The following XKR6 variants were observed in gnomAD, a reference collection of about 807,000 sequenced individuals.
XKR6 encodes XK related 6, also known as XK-related protein 6.
XKR6 carries 22 observed loss-of-function variants against 56.7 expected under a neutral mutation model. That is an observed-to-expected ratio of 0.39 (90% CI 0.28 to 0.55). XKR6 has a LOEUF of 0.55. Ranked by LOEUF, XKR6 falls within the 20% of genes least tolerant of loss-of-function variation. The pLI is 0.66. For missense variants in XKR6, 852 were observed against 889.0 expected, an observed-to-expected ratio of 0.96 and a Z score of 0.53; for synonymous variants, 524 against 387.8, an observed-to-expected ratio of 1.35 and a Z score of -4.13.
At chr8:10,903,827 G>A (rs371177377) in intron 2 of XKR6, among the ~76,000 whole-genome samples, 10 of 152,244 alleles carry the variant, frequency 6.6e-5, no homozygotes, top group Middle Eastern at 3.4e-3. Context: ...TACACCGTGC[G>A]GACAGAACTG....
At chr8:10,921,105 C>A (rs917781518) in intron 2 of XKR6, among the ~76,000 whole-genome samples, 3 of 152,270 alleles carry the variant, frequency 2.0e-5, no homozygotes, top group African/African-American at 4.8e-5. Context: ...CTTGCACAGA[C>A]CCTGGCCCCA....
chr8:11,003,001 A>G (rs927086339), intron 1 of XKR6, among the ~76,000 whole-genome samples: 1 of 146,576 alleles, frequency 6.8e-6, no homozygotes, highest in Non-Finnish European at 1.5e-5. Context: ...GGGACCACTG[A>G]AAAAAAAAAA....
At chr8:10,959,019 C>A (rs1801980024) in intron 1 of XKR6, among the ~76,000 whole-genome samples, 1 of 152,180 alleles carries the variant, frequency 6.6e-6, no homozygotes. Context: ...CCGGGGGAAA[C>A]CCTGCAGGGC....
intron 1 of XKR6, among the ~76,000 whole-genome samples, chr8:11,015,492 CG>C (rs927126737): frequency 6.6e-6 from 1 of 152,108 alleles, no homozygotes; most frequent in Admixed American, 6.5e-5. Flanking sequence ...ACCCCCACCT[CG>C]GGGAGGGACT....
At chr8:10,912,600 A>G (rs1039145748) in intron 2 of XKR6, among the ~76,000 whole-genome samples, 1 of 144,850 alleles carries the variant, frequency 6.9e-6, no homozygotes, top group Non-Finnish European at 1.5e-5. Context: ...ATATGTAGAG[A>G]GAGAGAAAGA....
At chr8:11,088,266 G>A (rs1049984522) in intron 1 of XKR6, among the ~76,000 whole-genome samples, 1 of 152,156 alleles carries the variant, frequency 6.6e-6, no homozygotes, top group African/African-American at 2.4e-5. Context: ...CCAAAAAAAG[G>A]ATTTCACAGA....
chr8:11,036,707 C>T (rs564915794), intron 1 of XKR6, among the ~76,000 whole-genome samples: 10 of 152,354 alleles, frequency 6.6e-5, no homozygotes, highest in South Asian at 4.1e-4. Context: ...GGCACATTTT[C>T]ATTATGTTGA....
At chr8:11,110,534 G>A (rs1028932735) in intron 1 of XKR6, among the ~76,000 whole-genome samples, 15 of 152,190 alleles carry the variant, frequency 9.9e-5, no homozygotes, top group South Asian at 6.2e-4. Context: ...CTATAGTTCC[G>A]TGCATTCTCT....
intron 1 of XKR6, among the ~76,000 whole-genome samples, chr8:10,930,756 G>T (rs1801029771): frequency 6.6e-6 from 1 of 152,142 alleles, no homozygotes; most frequent in Non-Finnish European, 1.5e-5. Context: ...CAGCAAACTA[G>T]AAATAGAAGG....
chr8:11,130,759 G>T (rs1178182298), intron 1 of XKR6, among the ~76,000 whole-genome samples: 1 of 152,018 alleles, frequency 6.6e-6, no homozygotes, highest in African/African-American at 2.4e-5. Flanking sequence ...AAGTACGACA[G>T]ATGCCACACA....
At chr8:11,196,295 C>T (rs1049325718) in intron 1 of XKR6, among the ~76,000 whole-genome samples, 2 of 152,100 alleles carry the variant, frequency 1.3e-5, no homozygotes, top group East Asian at 1.9e-4. Context: ...ACCTTTCACA[C>T]GCAACATAAA....
chr8:10,915,239 C>G (rs1800526243), intron 2 of XKR6, among the ~76,000 whole-genome samples: 2 of 152,256 alleles, frequency 1.3e-5, no homozygotes, highest in South Asian at 4.1e-4. Flanking sequence ...TCCCCAGCTC[C>G]TGGAACCGTG....
chr8:11,119,075 T>A (rs1563150214), intron 1 of XKR6, among the ~76,000 whole-genome samples: 1 of 152,110 alleles, frequency 6.6e-6, no homozygotes. Context: ...TACCCAGTAG[T>A]CATTCAGGAG....
At chr8:11,134,981 G>C (rs1009811003) in intron 1 of XKR6, among the ~76,000 whole-genome samples, 1 of 151,510 alleles carries the variant, frequency 6.6e-6, no homozygotes, top group Non-Finnish European at 1.5e-5. Context: ...AATTTTGATT[G>C]TATTTGTTTA....
At chr8:11,031,858 G>C (rs1799001406) in intron 1 of XKR6, among the ~76,000 whole-genome samples, 1 of 152,218 alleles carries the variant, frequency 6.6e-6, no homozygotes, top group African/African-American at 2.4e-5. Flanking sequence ...ATCCATGTGT[G>C]ATTTATTTTT....
chr8:10,903,866 T>A (rs1422625572), intron 2 of XKR6, among the ~76,000 whole-genome samples: 4 of 152,212 alleles, frequency 2.6e-5, no homozygotes, highest in Non-Finnish European at 4.4e-5. Context: ...TGATTCATCT[T>A]CAAAGCTTGC....
chr8:11,187,689 G>A (rs1339518308), intron 1 of XKR6, among the ~76,000 whole-genome samples: 2 of 152,150 alleles, frequency 1.3e-5, no homozygotes, highest in South Asian at 2.1e-4. Flanking sequence ...CAAGCAGTGG[G>A]CATGGGGGTG....
At chr8:10,908,002 G>A (rs577700427) in intron 2 of XKR6, among the ~76,000 whole-genome samples, 3 of 152,276 alleles carry the variant, frequency 2.0e-5, no homozygotes, top group East Asian at 3.9e-4. Context: ...GTTTCCCTCC[G>A]CGTGGCTTCC....
intron 1 of XKR6, among the ~76,000 whole-genome samples, chr8:10,950,662 T>A (rs1801690624): frequency 6.6e-6 from 1 of 152,198 alleles, no homozygotes; most frequent in South Asian, 2.1e-4. Context: ...AGAGAATGCT[T>A]AATAATTCAT....
Sources: allele counts gnomAD v4.1 joint callset (sites outside exome capture counted in the v4.1 genomes callset), GRCh38; gene constraint gnomAD v4.1.1; transcripts MANE v1.5; gene names NCBI Gene and HGNC (gene_info 2026-07-23, HGNC 2026-07-21).